The following ATG7 variants were observed in gnomAD, a reference collection of about 807,000 sequenced individuals.
ATG7 encodes ubiquitin-like modifier-activating enzyme ATG7.
In ATG7, 70 loss-of-function variants were observed where a neutral mutation model predicts 82.4. The observed-to-expected ratio is 0.85, with a 90% CI of 0.70 to 1.04. ATG7 has a LOEUF of 1.04. ATG7 is among the 50% of genes least tolerant of loss of function. The pLI, the probability that ATG7 is intolerant of heterozygous loss-of-function variation, is 0.00. For missense variants in ATG7, 792 were observed against 864.3 expected (o/e 0.92, Z 1.05); for synonymous variants, 287 against 313.0 (o/e 0.92, Z 0.88).
intron 20 of ATG7, among the ~76,000 whole-genome samples, chr3:11,528,916 G>T (rs1327412553): frequency 6.6e-6 from 1 of 151,794 alleles, no homozygotes. Context: ...TAAATAAGAT[G>T]TTGGACTCAT....
chr3:11,558,474 G>A (rs1348239054), downstream of ATG7: 1 of 1,238,898 alleles, frequency 8.1e-7, no homozygotes, highest in Non-Finnish European at 1.1e-6. Context: ...CCACCCCCAT[G>A]ATTTTTTTTT....
intron 20 of ATG7, among the ~76,000 whole-genome samples, chr3:11,526,020 T>C (rs1448136630): frequency 6.6e-6 from 1 of 152,218 alleles, no homozygotes; most frequent in Non-Finnish European, 1.5e-5. Context: ...AGTGCTGTGC[T>C]GATATAAATG....
intron 19 of ATG7, among the ~76,000 whole-genome samples, chr3:11,396,793 A>G (rs9757265): frequency 2.0e-3 from 287 of 143,748 alleles, no homozygotes; most frequent in African/African-American, 6.3e-3. Flanking sequence ...AAAAAAAAAA[A>G]AAAAGAAAAG....
At chr3:11,548,818 G>T (rs2071516144) in intron 20 of ATG7, among the ~76,000 whole-genome samples, 1 of 152,198 alleles carries the variant, frequency 6.6e-6, no homozygotes, top group Non-Finnish European at 1.5e-5. Flanking sequence ...TCCTGTAAGA[G>T]ATCATGCAGC....
intron 14 of ATG7, among the ~76,000 whole-genome samples, chr3:11,355,358 T>C (rs2075861738): frequency 6.6e-6 from 1 of 152,100 alleles, no homozygotes; most frequent in Non-Finnish European, 1.5e-5. Flanking sequence ...TAGTAAATAC[T>C]ATGAACAAAA....
intron 20 of ATG7, among the ~76,000 whole-genome samples, chr3:11,464,078 T>G (rs2086598524): frequency 6.6e-6 from 1 of 152,112 alleles, no homozygotes. Flanking sequence ...AGTATGCTTT[T>G]GTAAAAAAAT....
chr3:11,528,092 G>A (rs1395810388), intron 20 of ATG7, among the ~76,000 whole-genome samples: 1 of 152,116 alleles, frequency 6.6e-6, no homozygotes, highest in East Asian at 1.9e-4. Context: ...TCATGTTGGG[G>A]ACCAACATGA....
At chr3:11,426,052 A>G (rs531569991) in intron 19 of ATG7, among the ~76,000 whole-genome samples, 1 of 140,430 alleles carries the variant, frequency 7.1e-6, no homozygotes, top group South Asian at 2.5e-4. Context: ...GTTTTGGGCT[A>G]TCATGAATAG....
At chr3:11,297,037 G>T (rs1336080940) in intron 3 of ATG7, among the ~76,000 whole-genome samples, 1 of 152,132 alleles carries the variant, frequency 6.6e-6, no homozygotes. Context: ...AAACCTCCCT[G>T]AGTAGATATG....
intron 20 of ATG7, among the ~76,000 whole-genome samples, chr3:11,484,720 A>C (rs1373474406): frequency 1.3e-5 from 2 of 152,104 alleles, no homozygotes; most frequent in African/African-American, 4.8e-5. Context: ...CAGTCCCCAG[A>C]GTGTGATGTT....
At position 11,373,014 on chromosome 3, in the gene ATG7, TTTTG is replaced by T. The variant is rs560012602; in HGVS notation, c.1876-6950_1876-6947del. ...TATGTCATGGGAGTATGGGTTATTG[TTTTG>T]TTTGTTTTGTCATGTGTTTATCGTT... is the stretch of plus-strand genomic sequence containing the variant. On this transcript the variant is annotated intron_variant, in intron 18 of 20. Coordinates refer to ENST00000693202, the MANE Select transcript of ATG7 (RefSeq NM_001349232.2). 2.6e-4 allele frequency among the ~76,000 whole-genome samples: 39 copies of T among 151,424 alleles called. 1 individual carries two copies. Among genetic ancestry groups the T allele is most frequent in the African/African-American group, 6.8e-4 (28 of 41,174 alleles).
chr3:11,368,848 T>C (rs1289200368), intron 18 of ATG7, among the ~76,000 whole-genome samples: 1 of 151,114 alleles, frequency 6.6e-6, no homozygotes, highest in Non-Finnish European at 1.5e-5. Context: ...AGTTCACATC[T>C]TTTGTCTTTA....
intron 5 of ATG7, 120 bp downstream of exon 5, chr3:11,299,536 G>A: frequency 2.0e-6 from 2 of 978,078 alleles, no homozygotes; most frequent in South Asian, 2.7e-5. Context: ...GGTGGGCAGA[G>A]TCAGCCCCCC....
intron 20 of ATG7, among the ~76,000 whole-genome samples, chr3:11,535,938 A>G (rs2070249660): frequency 6.6e-6 from 1 of 152,182 alleles, no homozygotes; most frequent in South Asian, 2.1e-4. Context: ...AGATGATTCC[A>G]TGTGGGATGA....
chr3:11,320,734 A>G lies in ATG7; in HGVS notation c.678+5241A>G, dbSNP rs190561448. Among the ~76,000 whole-genome samples, 458 of 152,360 alleles carry G rather than the reference A, an allele frequency of 3.0e-3. 8 individuals are homozygous for G. Among genetic ancestry groups the G allele is most frequent in the Non-Finnish European group, 2.8e-3 (193 of 68,028 alleles). Reference sequence around the variant, plus strand: ...CATCATGCCTGGTGTGTAAAATGCAATGGAAGGATGAATTCATGCATAAAT... The same window carrying G: ...CATCATGCCTGGTGTGTAAAATGCAGTGGAAGGATGAATTCATGCATAAAT... On this transcript the variant is annotated intron_variant, in intron 9 of 20. Transcript: ENST00000693202.
In ATG7 at chr3:11,517,339, CAAAAA is replaced by C. The variant is rs201459450; in HGVS notation, c.2080-37464_2080-37460del. Among the ~76,000 whole-genome samples the C allele has an allele frequency of 5.7e-4, 64 of 112,308 alleles. No homozygotes were observed. The East Asian group carries it at 0.013, about 24-fold the overall frequency. 73.7% of individuals were successfully genotyped at this position (112,308 alleles called of 152,430 possible). ...CTGGGTGAAGAGCCAGACTCCACCT[CAAAAA>C]AAAAAAAGAAAAGAAAAGAAAAGAA... On this transcript the variant is annotated intron_variant, in intron 20 of 20. Transcript: ENST00000693202.
the ATG7 span, among the ~76,000 whole-genome samples, chr3:11,563,357 G>C: frequency 6.6e-6 from 1 of 152,226 alleles, no homozygotes. Flanking sequence ...AATGCCTGTT[G>C]AGCTTCCCAA....
chr3:11,450,938 A>C (rs1356201406), intron 20 of ATG7, among the ~76,000 whole-genome samples: 2 of 152,206 alleles, frequency 1.3e-5, no homozygotes, highest in Non-Finnish European at 2.9e-5. Context: ...TACTAATTTC[A>C]TCCTCCAAGG....
At chr3:11,462,012 CAG>C (rs1311430205) in intron 20 of ATG7, among the ~76,000 whole-genome samples, 1 of 151,826 alleles carries the variant, frequency 6.6e-6, no homozygotes, top group Non-Finnish European at 1.5e-5. Context: ...GCCTGGGTGA[CAG>C]AGTGAGACTC....
Sources: allele counts gnomAD v4.1 joint callset (sites outside exome capture counted in the v4.1 genomes callset), GRCh38; gene constraint gnomAD v4.1.1; transcripts MANE v1.5; gene names NCBI Gene and HGNC (gene_info 2026-07-23, HGNC 2026-07-21).